The following GRAMD4 variants were observed in gnomAD, a reference collection of about 807,000 sequenced individuals.
GRAMD4 encodes GRAM domain-containing protein 4.
In GRAMD4, 25 loss-of-function variants were observed where a neutral mutation model predicts 83.9. That is an observed-to-expected ratio of 0.30 (90% CI 0.22 to 0.42). The LOEUF is 0.42. GRAMD4 is among the 10% of genes least tolerant of loss of function. GRAMD4 has a pLI of 1.00. For synonymous variants in GRAMD4, 336 were observed against 320.9 expected (o/e 1.05, Z -0.50); for missense variants, 593 against 788.7 (o/e 0.75, Z 2.97).
chr22:46,668,948 G>A (rs758225216), intron 13 of GRAMD4, 40 bp downstream of exon 13: 29 of 1,146,300 alleles, frequency 2.5e-5, no homozygotes, highest in Non-Finnish European at 3.8e-5. Flanking sequence ...TCAGGAGGAG[G>A]GACACAGGTG....
At chr22:46,671,034 A>C (rs1388547826) in intron 13 of GRAMD4, 3 of 447,128 alleles carry the variant, frequency 6.7e-6, no homozygotes, top group Non-Finnish European at 1.4e-5. Context: ...ATCGGTGCCC[A>C]TGTATTCTTT....
chr22:46,652,631 C>T (rs527928545), intron 3 of GRAMD4, among the ~76,000 whole-genome samples: 1 of 152,284 alleles, frequency 6.6e-6, no homozygotes, highest in South Asian at 2.1e-4. Context: ...TGGGGCAGCC[C>T]GGCGTCCTCA....
chr22:46,659,535 G>A lies in GRAMD4; in HGVS notation c.404+1228G>A, dbSNP rs755093402. 6.6e-5 allele frequency among the ~76,000 whole-genome samples: 10 copies of A among 152,240 alleles called. No homozygotes were observed. The highest frequency in any genetic ancestry group is 1.2e-4 in the Non-Finnish European group (8 of 68,042). ...ACTGCCTGCTATGAGCGCTCCGGGG[G>A]CCGTGTGTCATTGTCAGGACTCCAA... is the stretch of plus-strand genomic sequence containing the variant. On this transcript the variant is annotated intron_variant, in intron 4 of 18. Coordinates refer to ENST00000406902, the MANE Select transcript of GRAMD4 (RefSeq NM_015124.5). The surrounding 1 kb of genome is among the most constrained non-coding windows in gnomAD (Gnocchi z 4.1).
At chr22:46,587,898 C>G in intron 1 of GRAMD4, 1 of 985,294 alleles carries the variant, frequency 1.0e-6, no homozygotes, top group Non-Finnish European at 1.2e-6. Context: ...GAGGATGGTA[C>G]AGGGCTCCTG....
intron 8 of GRAMD4, among the ~76,000 whole-genome samples, chr22:46,665,073 G>C (rs2082387948): frequency 6.6e-6 from 1 of 152,244 alleles, no homozygotes; most frequent in South Asian, 2.1e-4. Flanking sequence ...TTTGCTGCCT[G>C]GGCTCCCACA....
chr22:46,655,297 G>A (rs966818424), intron 3 of GRAMD4, among the ~76,000 whole-genome samples: 3 of 152,186 alleles, frequency 2.0e-5, no homozygotes, highest in African/African-American at 7.2e-5. Context: ...TCGGGAGGGA[G>A]CTTCAAGCTG....
chr22:46,678,546 G>A lies in GRAMD4; in HGVS notation c.*1295G>A, dbSNP rs187783771. 247 of 985,418 alleles carry A rather than the reference G, an allele frequency of 2.5e-4. 1 individual carries two copies. In the African/African-American group the frequency reaches 3.7e-3, roughly 15 times the overall value. 61.0% of individuals were successfully genotyped at this position (985,418 alleles called of 1,614,324 possible). A position where few individuals can be genotyped will look rare whatever the true frequency, so the allele number is the denominator to read the frequency against. ...GGCTTGGGCCTCCTGGAAGGAGGTG[G>A]CCACCCCGCGGGCCTGCGTGTCTGC... On this transcript the variant is annotated 3_prime_UTR_variant, in exon 19 of 19. Coordinates refer to ENST00000406902, the MANE Select transcript of GRAMD4 (RefSeq NM_015124.5).
Position 46,639,919 on chromosome 22 carries a change from C to T in GRAMD4, c.283+1959C>T, listed in dbSNP as rs767344995. ...CATGGGCTGCCGACAGGGTTCAGTC[C>T]TCCCGATGACCGTCCTGGTGACCTG... On this transcript the variant is annotated intron_variant, in intron 3 of 18. Coordinates refer to ENST00000406902, the MANE Select transcript of GRAMD4 (RefSeq NM_015124.5). Among the ~76,000 whole-genome samples, 17 of 152,210 alleles carry T rather than the reference C, an allele frequency of 1.1e-4. No homozygotes were observed. The Middle Eastern group carries it at 0.01, about 91-fold the overall frequency.
intron 1 of GRAMD4, among the ~76,000 whole-genome samples, chr22:46,578,693 C>A (rs530660754): frequency 1.2e-4 from 19 of 152,198 alleles, no homozygotes; most frequent in African/African-American, 4.6e-4. Flanking sequence ...GGTGAAACCA[C>A]GTTCCCCTGT....
At chr22:46,606,962 C>A (rs1235169922) in intron 1 of GRAMD4, among the ~76,000 whole-genome samples, 1 of 152,174 alleles carries the variant, frequency 6.6e-6, no homozygotes, top group Non-Finnish European at 1.5e-5. Context: ...CCCTGGCCCC[C>A]TGTATGGCTA....
At chr22:46,584,677 C>T (rs1257166021) in intron 1 of GRAMD4, among the ~76,000 whole-genome samples, 1 of 152,142 alleles carries the variant, frequency 6.6e-6, no homozygotes, top group Non-Finnish European at 1.5e-5. Context: ...GCATGGCTGG[C>T]TGGGGCTGGG....
chr22:46,639,601 C>T (rs1043867876), intron 3 of GRAMD4, among the ~76,000 whole-genome samples: 9 of 147,158 alleles, frequency 6.1e-5, no homozygotes, highest in South Asian at 2.2e-4. Context: ...CCTGTGTGTG[C>T]GTGTGCATGC....
intron 1 of GRAMD4, among the ~76,000 whole-genome samples, chr22:46,593,428 C>T (rs1055517744): frequency 6.6e-6 from 1 of 152,180 alleles, no homozygotes; most frequent in African/African-American, 2.4e-5. Flanking sequence ...TGCCTCTTCT[C>T]CGCTGGGCCT....
intron 2 of GRAMD4, among the ~76,000 whole-genome samples, chr22:46,627,362 C>A (rs1257215539): frequency 6.6e-6 from 1 of 152,368 alleles, no homozygotes; most frequent in African/African-American, 2.4e-5. Flanking sequence ...CGTTTCCAGC[C>A]CCCAAAGCTG....
rs138062317 is a variant in GRAMD4 at position 46,672,927 on chromosome 22, A to G, written c.1169A>G (p.Tyr390Cys). 12 of 1,611,784 alleles carry G rather than the reference A, an allele frequency of 7.4e-6. No homozygotes were observed. The highest frequency in any genetic ancestry group is 3.3e-5 in the Admixed American group (2 of 59,974). ...PRLRAKYDTP[Y>C]IIWRSLPTDP... The stretch of plus-strand genomic sequence containing the variant: ...CTGCGCGCCAAGTACGACACGCCCT[A>G]TATCATCTGGAGGAGTCTCCCCACC... The change falls in exon 14 of 19, where the codon TAT becomes TGT. Residue 390 changes from tyrosine (Y) to cysteine (C), a missense_variant. Physicochemically the swap from Tyr to Cys is radical, Grantham distance 194. Around this residue, in one of 4 missense-constraint regions of GRAMD4, gnomAD observed 171 missense variants for 199.6 expected, o/e 0.86. Transcript: ENST00000406902. This position sits in a 1 kb window ranked among gnomAD's most constrained non-coding sequence, Gnocchi z 4.7.
At position 46,664,114 on chromosome 22, in the gene GRAMD4, C is replaced by T; in HGVS notation, c.714C>T (p.Phe238=). The T allele has an allele frequency of 6.2e-7, 1 of 1,608,982 alleles. No individual in the cohort carries two copies. Among genetic ancestry groups the T allele is most frequent in the African/African-American group, 1.3e-5 (1 of 74,966 alleles). ...WYSVYTSAIA[F]TVYMNAVWHG... is the part of the protein sequence containing the mutation. ...CCGTCTACACGTCTGCCATTGCCTT[C>T]ACCGTGAGTGGGTCCTCCAGGGGCC... Residue 238 remains phenylalanine (F), a synonymous_variant, in exon 8 of 19, where the codon TTC becomes TTT. Coordinates refer to ENST00000406902, the MANE Select transcript of GRAMD4 (RefSeq NM_015124.5).
rs2082626201 is a variant in GRAMD4, at chr22:46,678,155, T to C, written c.*904T>C. On this transcript the variant is annotated 3_prime_UTR_variant, in exon 19 of 19. Transcript: ENST00000406902. ...CGAGCACTGTGGCATGTCTGGCACA[T>C]GGCCCCCAGGCTGCGGTTGCCTGGG... is the stretch of plus-strand genomic sequence containing the variant. 7.1e-6 allele frequency: 7 copies of C among 985,570 alleles called. No individual in the cohort carries two copies. The highest frequency in any genetic ancestry group is 7.2e-6 in the Non-Finnish European group (6 of 830,046). 61.1% of individuals were successfully genotyped at this position (985,570 alleles called of 1,614,324 possible).
intron 1 of GRAMD4, chr22:46,577,390 G>T (rs1219965403): frequency 3.2e-5 from 23 of 718,904 alleles, no homozygotes; most frequent in Admixed American, 1.4e-4. Context: ...ACTCGGCCGC[G>T]CTCTCCCCGC....
At chr22:46,605,861 C>T (rs916389719) in intron 1 of GRAMD4, among the ~76,000 whole-genome samples, 13 of 149,220 alleles carry the variant, frequency 8.7e-5, no homozygotes, top group African/African-American at 2.2e-4. Context: ...GGTTTATGGC[C>T]GGTGCTGAGC....
Sources: allele counts gnomAD v4.1 joint callset (sites outside exome capture counted in the v4.1 genomes callset), GRCh38; gene constraint gnomAD v4.1.1; regional missense constraint gnomAD v4.1.1; non-coding constraint Gnocchi (gnomAD v3.1); transcripts MANE v1.5; gene names NCBI Gene and HGNC (gene_info 2026-07-23, HGNC 2026-07-21).